The following HMCN1 variants were observed in gnomAD, a reference collection of about 807,000 sequenced individuals.
The protein encoded by HMCN1 is hemicentin 1.
HMCN1 carries 321 observed loss-of-function variants against 625.9 expected under a neutral mutation model. The ratio of observed to expected loss-of-function variants is 0.51; its 90% confidence interval spans 0.47 to 0.56. HMCN1 has a LOEUF of 0.56. HMCN1 is among the 20% of genes least tolerant of loss of function. The pLI is 0.00. For missense variants in HMCN1, 6,588 were observed against 6,887.3 expected (o/e 0.96, Z 1.54); for synonymous variants, 2,425 against 2,417.6 (o/e 1.00, Z -0.09).
At chr1:186,130,724 A>T in intron 85 of HMCN1, 27 bp downstream of exon 85, 1 of 1,600,200 alleles carries the variant, frequency 6.2e-7, no homozygotes, top group East Asian at 2.2e-5. Flanking sequence ...TGATTGATGC[A>T]CCTTTAAACC....
chr1:186,004,316 G>A (rs1309791193), intron 29 of HMCN1, among the ~76,000 whole-genome samples: 1 of 152,168 alleles, frequency 6.6e-6, no homozygotes, highest in Non-Finnish European at 1.5e-5. Context: ...GGCTGCAGTG[G>A]TCTGTATTGG....
intron 4 of HMCN1, among the ~76,000 whole-genome samples, chr1:185,894,320 T>C (rs1241861471): frequency 2.0e-5 from 3 of 152,238 alleles, no homozygotes; most frequent in Non-Finnish European, 4.4e-5. Flanking sequence ...TGCATATAGT[T>C]GTAGATGGTT....
At position 185,734,543 on chromosome 1, in the gene HMCN1, T is replaced by G. The variant is rs1208444572; in HGVS notation, c.-237T>G. ...TCCAGGGCCCGCGGGCAGATAGCAG[T>G]CCAGGAGGAAGCCGCATCCAGACAA... On this transcript the variant is annotated 5_prime_UTR_variant, in exon 1 of 107. Coordinates refer to ENST00000271588, the MANE Select transcript of HMCN1 (RefSeq NM_031935.3). 1.8e-6 allele frequency: 1 copy of G among 543,990 alleles called. No homozygotes were observed. Among genetic ancestry groups the G allele is most frequent in the Non-Finnish European group, 3.3e-6 (1 of 303,684 alleles). The allele number at this position is 543,990 out of a possible 1,614,324, so 33.7% of individuals were successfully genotyped here.
chr1:186,126,626 G>A (rs192886782), intron 82 of HMCN1, among the ~76,000 whole-genome samples: 47 of 152,124 alleles, frequency 3.1e-4, no homozygotes, highest in African/African-American at 8.4e-4. Context: ...GGAGCAGACC[G>A]GGGGAAAAAC....
At chr1:186,161,887 A>T (rs1451167165) in intron 97 of HMCN1, among the ~76,000 whole-genome samples, 1 of 152,056 alleles carries the variant, frequency 6.6e-6, no homozygotes, top group African/African-American at 2.4e-5. Flanking sequence ...GAATCTGACA[A>T]TTATGTTTCT....
chr1:185,982,140 A>G (rs755772115), intron 17 of HMCN1, 122 bp from the exon 18 acceptor site: 2 of 926,550 alleles, frequency 2.2e-6, no homozygotes, highest in Non-Finnish European at 3.6e-6. Flanking sequence ...TCATGTAAAT[A>G]TTTTGTTTCT....
At chr1:186,079,535 G>T (rs1186273412) in intron 55 of HMCN1, among the ~76,000 whole-genome samples, 1 of 152,172 alleles carries the variant, frequency 6.6e-6, no homozygotes, top group Non-Finnish European at 1.5e-5. Context: ...GTAGAGTTGT[G>T]TGCCTGCGCA....
intron 1 of HMCN1, among the ~76,000 whole-genome samples, chr1:185,735,892 T>C (rs951954823): frequency 5.9e-5 from 9 of 152,224 alleles, no homozygotes; most frequent in African/African-American, 2.2e-4. Flanking sequence ...GGCAGTCTAA[T>C]GTCCACCTGA....
intron 1 of HMCN1, among the ~76,000 whole-genome samples, chr1:185,762,070 C>G (rs1289488314): frequency 6.6e-6 from 1 of 152,048 alleles, no homozygotes; most frequent in Non-Finnish European, 1.5e-5. Context: ...GTGTAGGATA[C>G]TTTGTGCAAT....
intron 69 of HMCN1, 103 bp from the exon 70 acceptor site, chr1:186,106,781 T>C: frequency 1.2e-6 from 1 of 848,912 alleles, no homozygotes; most frequent in South Asian, 1.3e-5. Context: ...TTAATTATCT[T>C]GCTTTTGGTG....
intron 71 of HMCN1, among the ~76,000 whole-genome samples, chr1:186,110,604 A>G (rs1333594618): frequency 6.6e-6 from 1 of 152,210 alleles, no homozygotes; most frequent in East Asian, 1.9e-4. Flanking sequence ...AGGAAGTAGA[A>G]ACAAGCATGA....
In HMCN1 at chr1:186,178,786, C is replaced by T; in HGVS notation, c.16294+20C>T. 1.3e-6 allele frequency: 2 copies of T among 1,503,482 alleles called. No homozygotes were observed. Among genetic ancestry groups the T allele is most frequent in the Non-Finnish European group, 1.9e-6 (2 of 1,079,350 alleles). The allele number at this position is 1,503,482 out of a possible 1,614,324, so 93.1% of individuals were successfully genotyped here. ...GTGTAGGTAAATGTCAGCCATATTACATTTCCTTTCTGTGGGCTCTCTTAC... is the reference window on the plus strand; with the variant it reads ...GTGTAGGTAAATGTCAGCCATATTATATTTCCTTTCTGTGGGCTCTCTTAC... On this transcript the variant is annotated intron_variant, in intron 104 of 106. Coordinates refer to ENST00000271588, the MANE Select transcript of HMCN1 (RefSeq NM_031935.3).
intron 26 of HMCN1, among the ~76,000 whole-genome samples, chr1:186,000,707 C>T (rs943396983): frequency 6.6e-6 from 1 of 151,858 alleles, no homozygotes; most frequent in African/African-American, 2.4e-5. Flanking sequence ...ACATTTTTCA[C>T]CTTCTCTGTC....
chr1:185,936,362 G>C (rs1667814961), intron 11 of HMCN1, among the ~76,000 whole-genome samples: 1 of 151,790 alleles, frequency 6.6e-6, no homozygotes, highest in Admixed American at 6.6e-5. Context: ...AAAATCCTAG[G>C]AGGAATTTTA....
rs1284635458 is a variant in HMCN1 at position 186,151,628 on chromosome 1, T to G, written c.14781T>G (p.Val4927=). 1.2e-6 allele frequency: 2 copies of G among 1,612,982 alleles called. No homozygotes were observed. The highest frequency in any genetic ancestry group is 3.3e-5 in the Admixed American group (2 of 59,986). Residue 4927 remains valine, a synonymous_variant, in exon 95 of 107, where the codon GTT becomes GTG. Coordinates refer to ENST00000271588, the MANE Select transcript of HMCN1 (RefSeq NM_031935.3). The stretch of plus-strand genomic sequence containing the variant: ...TAGGTTCAGCAATGAGAAAGATAGT[T>G]TCTATTCTAAATCCCATTTATTGGA... ...RSLGSAMRKI[V]SILNPIYWTT...
chr1:185,782,549 C>A (rs917579217), intron 1 of HMCN1, among the ~76,000 whole-genome samples: 1 of 152,148 alleles, frequency 6.6e-6, no homozygotes, highest in African/African-American at 2.4e-5. Flanking sequence ...CTGGTGGTGA[C>A]AAAATCTCTC....
At chr1:185,846,695 T>C (rs1661839763) in intron 2 of HMCN1, among the ~76,000 whole-genome samples, 1 of 152,210 alleles carries the variant, frequency 6.6e-6, no homozygotes, top group Non-Finnish European at 1.5e-5. Flanking sequence ...CCTTCTATGG[T>C]CTCTGCCTCT....
At chr1:185,854,159 A>G (rs1044103532) in intron 2 of HMCN1, among the ~76,000 whole-genome samples, 1 of 152,154 alleles carries the variant, frequency 6.6e-6, no homozygotes, top group Non-Finnish European at 1.5e-5. Context: ...ATTTTTTCAG[A>G]GTTGCTAGCA....
intron 20 of HMCN1, 51 bp from the exon 21 acceptor site, chr1:185,989,437 T>C (rs764560634): frequency 4.4e-6 from 7 of 1,603,940 alleles, no homozygotes; most frequent in Non-Finnish European, 6.0e-6. Flanking sequence ...TTTATAATCT[T>C]GAAACAAACA....
Sources: gnomAD v4.1 joint callset for allele counts (sites outside exome capture counted in the v4.1 genomes callset) on GRCh38, gnomAD v4.1.1 for gene constraint, MANE v1.5 for transcripts, NCBI Gene and HGNC (gene_info 2026-07-23, HGNC 2026-07-21) for gene names.